COMMD1: variants seen among roughly 807,000 people sequenced by gnomAD.
COMMD1 encodes the protein copper metabolism domain containing 1.
In COMMD1, 10 loss-of-function variants were observed where a neutral mutation model predicts 17.2. The ratio of observed to expected loss-of-function variants is 0.58; its 90% CI spans 0.36 to 0.99. COMMD1 has a LOEUF of 0.99. Among genes scored for constraint, COMMD1 ranks in the 50% least tolerant of loss-of-function variants. COMMD1 has a pLI of 0.01. For missense variants in COMMD1, 270 were observed against 231.8 expected, an observed-to-expected ratio of 1.17 and a Z score of -1.07; for synonymous variants, 97 against 91.6, an observed-to-expected ratio of 1.06 and a Z score of -0.34.
chr2:62,069,212 G>T (rs1671135037), intron 2 of COMMD1, among the ~76,000 whole-genome samples: 1 of 151,722 alleles, frequency 6.6e-6, no homozygotes, highest in Non-Finnish European at 1.5e-5. Context: ...TCCCAGGCTG[G>T]TCTCAAACTC....
intron 1 of COMMD1, among the ~76,000 whole-genome samples, chr2:61,908,104 A>C (rs1572949777): frequency 6.6e-6 from 1 of 152,050 alleles, no homozygotes; most frequent in Non-Finnish European, 1.5e-5. Flanking sequence ...GCAACAGAAG[A>C]TTTGCAGGTG....
At chr2:61,898,598 T>C (rs563729165) in intron 1 of COMMD1, among the ~76,000 whole-genome samples, 1 of 152,096 alleles carries the variant, frequency 6.6e-6, no homozygotes, top group African/African-American at 2.4e-5. Context: ...TTGGGGCCCT[T>C]GGGTTTGCAC....
chr2:62,089,531 C>T (rs1299297767), intron 2 of COMMD1, among the ~76,000 whole-genome samples: 3 of 152,118 alleles, frequency 2.0e-5, no homozygotes, highest in African/African-American at 7.2e-5. Flanking sequence ...TGATCACCTG[C>T]CTCGGCCTCT....
chr2:61,988,501 G>A (rs929678622), intron 1 of COMMD1, among the ~76,000 whole-genome samples: 2 of 152,144 alleles, frequency 1.3e-5, no homozygotes, highest in Non-Finnish European at 1.5e-5. Flanking sequence ...TCTCCTTGGT[G>A]CACTGTCTTA....
chr2:62,116,950 G>A lies in COMMD1; in HGVS notation c.463-18881G>A, dbSNP rs144860624. 2.7e-3 allele frequency among the ~76,000 whole-genome samples: 399 copies of A among 148,772 alleles called. 3 individuals are homozygous for A. The highest frequency in any genetic ancestry group is 8.8e-3 in the African/African-American group (354 of 40,218). On this transcript the variant is annotated intron_variant, in intron 2 of 2. Coordinates refer to ENST00000311832, the MANE Select transcript of COMMD1 (RefSeq NM_152516.4). ...GCGGAGGTTGTGGTGAGCCGAGATC[G>A]CACCATTGCATTCTAGCCTGGGCAA... is the stretch of plus-strand genomic sequence containing the variant.
intron 2 of COMMD1, chr2:62,001,241 C>T: frequency 4.3e-6 from 2 of 468,872 alleles, no homozygotes; most frequent in Non-Finnish European, 7.8e-6. Flanking sequence ...AAGCTGACCA[C>T]TACTGCATTT....
chr2:62,000,694 T>TATA lies in COMMD1; in HGVS notation c.181-7_181-6insATA. The TATA allele has an allele frequency of 6.2e-7, 1 of 1,614,094 alleles. No individual in the cohort carries two copies. Among genetic ancestry groups the TATA allele is most frequent in the Non-Finnish European group, 8.5e-7 (1 of 1,179,984 alleles). On this transcript the variant is annotated splice_region_variant and splice_polypyrimidine_tract_variant and intron_variant, in intron 1 of 2. Coordinates refer to ENST00000311832, the MANE Select transcript of COMMD1 (RefSeq NM_152516.4). ...CAAATTTTTTGCTTTTTCTGTCATC[T>TATA]TTATAGTCTATTGCGTCTGCAGACA...
chr2:61,917,097 TA>T (rs1410375691), intron 1 of COMMD1, among the ~76,000 whole-genome samples: 1 of 152,120 alleles, frequency 6.6e-6, no homozygotes, highest in African/African-American at 2.4e-5. Flanking sequence ...CTCATGCCTG[TA>T]ATCCCAGCAC....
intron 2 of COMMD1, among the ~76,000 whole-genome samples, chr2:62,046,239 A>G (rs1311453753): frequency 6.6e-6 from 1 of 152,240 alleles, no homozygotes; most frequent in Non-Finnish European, 1.5e-5. Context: ...ATATAACTTT[A>G]TTCTAACTAT....
chr2:62,046,570 G>A (rs760504191), intron 2 of COMMD1, among the ~76,000 whole-genome samples: 15 of 150,520 alleles, frequency 1.0e-4, no homozygotes, highest in East Asian at 1.9e-4. Context: ...AGAGTAGAAC[G>A]TACGATGAAG....
Position 62,102,980 on chromosome 2 carries a change from CT to C in COMMD1, c.463-32835del, listed in dbSNP as rs1237752965. On this transcript the variant is annotated intron_variant, in intron 2 of 2. Transcript: ENST00000311832. ...TATCCAATCATATTTCTTTTTCTTT[CT>C]TTTTTTTTTTTTTTTGAGACGGAGG... Among the ~76,000 whole-genome samples the C allele has an allele frequency of 1.9e-3, 267 of 140,762 alleles. 1 individual carries two copies. Among genetic ancestry groups the C allele is most frequent in the Middle Eastern group, 3.7e-3 (1 of 268 alleles). The allele number at this position is 140,762 out of a possible 152,430, so 92.3% of individuals were successfully genotyped here.
intron 2 of COMMD1, among the ~76,000 whole-genome samples, chr2:62,105,655 G>T (rs1672309678): frequency 6.6e-6 from 1 of 152,124 alleles, no homozygotes; most frequent in Non-Finnish European, 1.5e-5. Context: ...AAACCCCCGT[G>T]TCTACTAAAA....
chr2:61,919,688 C>T (rs1241825265), intron 1 of COMMD1, among the ~76,000 whole-genome samples: 3 of 151,900 alleles, frequency 2.0e-5, no homozygotes, highest in Non-Finnish European at 2.9e-5. Context: ...CTGAGTTTTG[C>T]TTCTTTTAAA....
At chr2:62,059,547 T>TA in intron 2 of COMMD1, among the ~76,000 whole-genome samples, 2 of 152,254 alleles carry the variant, frequency 1.3e-5, no homozygotes, top group South Asian at 4.2e-4. Flanking sequence ...TCCCCATTTT[T>TA]TCCCCCTTAA....
chr2:61,966,690 A>C (rs192174025), intron 1 of COMMD1, among the ~76,000 whole-genome samples: 7 of 152,024 alleles, frequency 4.6e-5, no homozygotes, highest in African/African-American at 1.7e-4. Flanking sequence ...GAAGTTGCCT[A>C]TCTACTCCAT....
chr2:62,020,677 A>T (rs1669587517), intron 2 of COMMD1, among the ~76,000 whole-genome samples: 1 of 152,172 alleles, frequency 6.6e-6, no homozygotes, highest in African/African-American at 2.4e-5. Flanking sequence ...TTCCGCTGAG[A>T]GGCAATAGCT....
intron 1 of COMMD1, among the ~76,000 whole-genome samples, chr2:61,920,400 A>G (rs913135521): frequency 6.6e-6 from 1 of 152,194 alleles, no homozygotes; most frequent in Non-Finnish European, 1.5e-5. Flanking sequence ...AAAGAGGGAA[A>G]GAAAGAACAT....
intron 2 of COMMD1, among the ~76,000 whole-genome samples, chr2:62,113,783 G>A (rs1006996814): frequency 7.2e-5 from 11 of 152,228 alleles, no homozygotes; most frequent in Non-Finnish European, 1.3e-4. Context: ...TGTTTAATAA[G>A]TATTTCTCAG....
intron 2 of COMMD1, among the ~76,000 whole-genome samples, chr2:62,002,245 C>T (rs1402252235): frequency 6.6e-6 from 1 of 151,910 alleles, no homozygotes; most frequent in Non-Finnish European, 1.5e-5. Flanking sequence ...AATCCCAACA[C>T]TTTGGGAGGC....
Sources: gnomAD v4.1 joint callset for allele counts (sites outside exome capture counted in the v4.1 genomes callset) on GRCh38, gnomAD v4.1.1 for gene constraint, MANE v1.5 for transcripts, NCBI Gene and HGNC (gene_info 2026-07-23, HGNC 2026-07-21) for gene names.